The following TTLL6 variants were observed in gnomAD, a reference collection of about 807,000 sequenced individuals.
The protein encoded by TTLL6 is tubulin tyrosine ligase like 6.
Under a neutral mutation model 96.4 loss-of-function variants are expected in TTLL6, and 75 were observed. The observed-to-expected ratio is 0.78, with a 90% CI of 0.65 to 0.94. The LOEUF is 0.94. TTLL6 is among the 40% of genes least tolerant of loss of function. The probability of loss-of-function intolerance (pLI) is 0.00; values close to 1 mark genes in which losing one functional copy is unlikely to be tolerated. For synonymous variants in TTLL6, 411 were observed against 419.4 expected (o/e 0.98, Z 0.24); for missense variants, 1,030 against 1,093.0 (o/e 0.94, Z 0.81).
chr17:48,777,410 T>C (rs553079904), intron 13 of TTLL6, among the ~76,000 whole-genome samples: 48 of 150,640 alleles, frequency 3.2e-4, no homozygotes, highest in African/African-American at 1.2e-3. Flanking sequence ...GCCTGACCAA[T>C]ATGGTGAAAC....
At chr17:48,786,667 T>C (rs2039103066) in intron 11 of TTLL6, among the ~76,000 whole-genome samples, 1 of 152,198 alleles carries the variant, frequency 6.6e-6, no homozygotes, top group South Asian at 2.1e-4. Context: ...GGAGAGGGTC[T>C]GGGTAGGAGG....
At chr17:48,778,266 G>T (rs1420663683) in intron 13 of TTLL6, among the ~76,000 whole-genome samples, 8 of 142,170 alleles carry the variant, frequency 5.6e-5, no homozygotes, top group African/African-American at 8.0e-5. Flanking sequence ...TACAGAGCGA[G>T]ACTCCATCTC....
Position 48,780,872 on chromosome 17 carries a change from T to A in TTLL6, c.2040+4051A>T, listed in dbSNP as rs1371029213. Among the ~76,000 whole-genome samples, 6 of 152,194 alleles carry A rather than the reference T, an allele frequency of 3.9e-5. No homozygotes were observed. The South Asian group carries it at 6.2e-4, about 16-fold the overall frequency. On this transcript the variant is annotated intron_variant, in intron 13 of 15. Coordinates refer to ENST00000393382, the MANE Select transcript of TTLL6 (RefSeq NM_001130918.3). ...ATTTCATTATATGTATATACCACAT[T>A]TTCTTTATTCATTTATCTGTGGTTG...
intron 15 of TTLL6, chr17:48,765,942 G>A (rs1278929759): frequency 6.6e-6 from 1 of 152,140 alleles, no homozygotes; most frequent in Admixed American, 6.5e-5. Context: ...GCTCTTTCAG[G>A]GAAAGAAGTC....
At position 48,794,471 on chromosome 17, in the gene TTLL6, T is replaced by A. The variant is rs141756624; in HGVS notation, c.998+1590A>T. 5.3e-4 allele frequency: 604 copies of A among 1,145,344 alleles called. 5 individuals carry two copies. In the East Asian group the frequency reaches 0.013, roughly 24 times the overall value. The allele number at this position is 1,145,344 out of a possible 1,614,324, so 70.9% of individuals were successfully genotyped here. Reference sequence around the variant, plus strand: ...ACCAAGAAGTGCAGGCTCAGAGAGATGAAGTAACTTGTCCAAGCCTAGTTG... The same window carrying A: ...ACCAAGAAGTGCAGGCTCAGAGAGAAGAAGTAACTTGTCCAAGCCTAGTTG... On this transcript the variant is annotated intron_variant, in intron 8 of 15. Coordinates refer to ENST00000393382, the MANE Select transcript of TTLL6 (RefSeq NM_001130918.3).
At position 48,799,587 on chromosome 17, in the gene TTLL6, T is replaced by C. The variant is rs1319928794; in HGVS notation, c.768+17A>G. On this transcript the variant is annotated intron_variant, in intron 6 of 15. Coordinates refer to ENST00000393382, the MANE Select transcript of TTLL6 (RefSeq NM_001130918.3). ...GTTGCTGTGGGTGATAAATAAATAA[T>C]CACAATGAGGAAGTACCTTTGAAAT... The C allele has an allele frequency of 1.3e-6, 2 of 1,548,440 alleles. No individual in the cohort carries two copies. Among genetic ancestry groups the C allele is most frequent in the African/African-American group, 2.7e-5 (2 of 73,034 alleles).
At position 48,811,695 on chromosome 17, in the gene TTLL6, C is replaced by CT. The variant is rs34983566; in HGVS notation, c.103+5274dup. Among the ~76,000 whole-genome samples the CT allele has an allele frequency of 9.2e-3, 1,100 of 118,984 alleles. 17 individuals are homozygous for CT. The highest frequency in any genetic ancestry group is 0.016 in the African/African-American group (492 of 30,598). 78.1% of individuals were successfully genotyped at this position (118,984 alleles called of 152,430 possible). ...ACTTCCACCAGGGCTGAGCAGAAAG[C>CT]TTTTTTTTTTTTTTTTTTTTGAGAC... is the stretch of plus-strand genomic sequence containing the variant. On this transcript the variant is annotated intron_variant, in intron 1 of 15. Coordinates refer to ENST00000393382, the MANE Select transcript of TTLL6 (RefSeq NM_001130918.3).
intron 8 of TTLL6, among the ~76,000 whole-genome samples, chr17:48,795,114 T>C (rs1056530281): frequency 6.6e-6 from 1 of 151,754 alleles, no homozygotes; most frequent in African/African-American, 2.4e-5. Context: ...GATCACGAGG[T>C]GAAGAGATCA....
chr17:48,804,014 G>A (rs2039466951), intron 2 of TTLL6, 86 bp from the exon 3 acceptor site: 1 of 1,468,222 alleles, frequency 6.8e-7, no homozygotes, highest in African/African-American at 1.4e-5. Context: ...TCCTGTCCCA[G>A]GTGGAGCTGT....
At position 48,774,104 on chromosome 17, in the gene TTLL6, A is replaced by C. The variant is rs559263790; in HGVS notation, c.2041-4007T>G. On this transcript the variant is annotated intron_variant, in intron 13 of 15. Coordinates refer to ENST00000393382, the MANE Select transcript of TTLL6 (RefSeq NM_001130918.3). ...TCTCAAAAAAAACAAAACAAAAAAA[A>C]AAAAAAAACAAGAAAAGTAAAATAA... Among the ~76,000 whole-genome samples the C allele has an allele frequency of 5.0e-4, 68 of 135,906 alleles. 2 individuals carry two copies. The highest frequency in any genetic ancestry group is 1.3e-3 in the African/African-American group (48 of 35,560). The allele number at this position is 135,906 out of a possible 152,430, so 89.2% of individuals were successfully genotyped here. A position where few individuals can be genotyped will look rare whatever the true frequency, so the allele number is the denominator to read the frequency against.
intron 1 of TTLL6, among the ~76,000 whole-genome samples, chr17:48,811,989 C>T (rs528102348): frequency 6.6e-6 from 1 of 151,986 alleles, no homozygotes; most frequent in Non-Finnish European, 1.5e-5. Context: ...GCGTGAGCCA[C>T]CACGCCCAGC....
At chr17:48,784,237 T>C (rs1274618451) in intron 13 of TTLL6, among the ~76,000 whole-genome samples, 3 of 152,068 alleles carry the variant, frequency 2.0e-5, no homozygotes, top group African/African-American at 7.2e-5. Flanking sequence ...TGAAACCTTC[T>C]CGACAAAAAA....
intron 12 of TTLL6, among the ~76,000 whole-genome samples, chr17:48,785,786 C>T (rs2039079445): frequency 6.6e-6 from 1 of 152,132 alleles, no homozygotes; most frequent in Admixed American, 6.5e-5. Flanking sequence ...CTCCACTGTG[C>T]CCTGGCCTGC....
intron 3 of TTLL6, 49 bp from the exon 4 acceptor site, chr17:48,801,692 T>C: frequency 2.0e-6 from 3 of 1,471,462 alleles, no homozygotes. Context: ...GGGAGGAGTA[T>C]GGGGTGGGGA....
chr17:48,802,541 G>A (rs1354113010), intron 3 of TTLL6, among the ~76,000 whole-genome samples: 1 of 152,180 alleles, frequency 6.6e-6, no homozygotes, highest in African/African-American at 2.4e-5. Flanking sequence ...ACCGGGACAG[G>A]ACAAGACTAC....
At chr17:48,790,676 C>G (rs570085750) in intron 9 of TTLL6, among the ~76,000 whole-genome samples, 3 of 152,210 alleles carry the variant, frequency 2.0e-5, no homozygotes, top group Non-Finnish European at 4.4e-5. Context: ...CATCCCTCTT[C>G]CCACCACACC....
At position 48,805,130 on chromosome 17, in the gene TTLL6, C is replaced by T. The variant is rs2039488036; in HGVS notation, c.104-139G>A. 4 of 678,450 alleles carry T rather than the reference C, an allele frequency of 5.9e-6. No individual in the cohort carries two copies. The African/African-American group carries it at 7.2e-5, about 12-fold the overall frequency. The allele number at this position is 678,450 out of a possible 1,614,324, so 42.0% of individuals were successfully genotyped here. On this transcript the variant is annotated intron_variant, in intron 1 of 15. Coordinates refer to ENST00000393382, the MANE Select transcript of TTLL6 (RefSeq NM_001130918.3). The stretch of plus-strand genomic sequence containing the variant: ...TTTATAAAATGCCACCCGGCCTCCG[C>T]GGTTTGATGCAAGCTCAGGGAGGGA...
intron 13 of TTLL6, among the ~76,000 whole-genome samples, chr17:48,772,285 G>C (rs905262027): frequency 6.6e-5 from 10 of 152,046 alleles, no homozygotes; most frequent in Non-Finnish European, 1.0e-4. Flanking sequence ...AGGAGTTCCA[G>C]ACCAGGCTGG....
chr17:48,807,168 A>G (rs2039517574), intron 1 of TTLL6, among the ~76,000 whole-genome samples: 2 of 149,620 alleles, frequency 1.3e-5, no homozygotes, highest in Admixed American at 6.7e-5. Context: ...GCTCACTACA[A>G]CCTCCACCTC....
Sources: allele counts gnomAD v4.1 joint callset (sites outside exome capture counted in the v4.1 genomes callset), GRCh38; gene constraint gnomAD v4.1.1; transcripts MANE v1.5; gene names NCBI Gene and HGNC (gene_info 2026-07-23, HGNC 2026-07-21).